Variants in CDH4 observed in about 807,000 individuals in gnomAD.
CDH4 encodes the protein cadherin 4.
A neutral mutation model predicts 86.0 loss-of-function variants in CDH4; 33 were observed. The ratio of observed to expected loss-of-function variants is 0.38; its 90% CI spans 0.29 to 0.51. The LOEUF (loss-of-function observed/expected upper bound fraction) is 0.51, where lower values mean the gene tolerates loss of function less well. CDH4 is among the 20% of genes least tolerant of loss of function. The pLI, the probability that CDH4 is intolerant of heterozygous loss-of-function variation, is 0.86. For missense variants in CDH4, 1,114 were observed against 1,307.4 expected (o/e 0.85, Z 2.28); for synonymous variants, 555 against 549.4 (o/e 1.01, Z -0.14).
chr20:61,819,198 C>A (rs984460915), intron 4 of CDH4, among the ~76,000 whole-genome samples: 1 of 152,218 alleles, frequency 6.6e-6, no homozygotes, highest in African/African-American at 2.4e-5. Flanking sequence ...CAGACAGCCC[C>A]ACGGCCAGGC....
intron 2 of CDH4, among the ~76,000 whole-genome samples, chr20:61,637,914 G>A (rs908063341): frequency 2.6e-5 from 4 of 152,014 alleles, no homozygotes; most frequent in Non-Finnish European, 5.9e-5. Context: ...CCAGCTATTT[G>A]GGAGGCTGAG....
At chr20:61,773,255 G>C in intron 4 of CDH4, 73 bp downstream of exon 4, 1 of 1,399,292 alleles carries the variant, frequency 7.1e-7, no homozygotes, top group Admixed American at 2.5e-5. Context: ...ACATCCCAAA[G>C]CCAGGGGCGG....
intron 2 of CDH4, among the ~76,000 whole-genome samples, chr20:61,478,230 G>T (rs2085550127): frequency 6.6e-6 from 1 of 152,174 alleles, no homozygotes; most frequent in African/African-American, 2.4e-5. Context: ...CGAGAAGGCA[G>T]GAAGAGGAGG....
intron 2 of CDH4, among the ~76,000 whole-genome samples, chr20:61,508,914 C>T (rs565994951): frequency 4.6e-5 from 7 of 152,332 alleles, no homozygotes; most frequent in South Asian, 4.1e-4. Flanking sequence ...ACCCCCTCCC[C>T]ACTCTGCCTC....
chr20:61,778,706 C>T (rs1424621368), intron 4 of CDH4, among the ~76,000 whole-genome samples: 1 of 152,124 alleles, frequency 6.6e-6, no homozygotes, highest in Non-Finnish European at 1.5e-5. Context: ...CCCTTCTTCT[C>T]AAGCAGAGGA....
intron 2 of CDH4, among the ~76,000 whole-genome samples, chr20:61,500,191 G>A (rs1427496428): frequency 6.6e-6 from 1 of 152,190 alleles, no homozygotes; most frequent in Non-Finnish European, 1.5e-5. Context: ...TACTACTGTT[G>A]TGTTTGTCAA....
At chr20:61,734,073 C>T (rs975164155) in intron 2 of CDH4, among the ~76,000 whole-genome samples, 1 of 152,196 alleles carries the variant, frequency 6.6e-6, no homozygotes, top group Non-Finnish European at 1.5e-5. Flanking sequence ...AAAGGGTTAA[C>T]CCGGAAGCCT....
Position 61,902,331 on chromosome 20 carries a change from CACCAGCCACGGAGACCCGGGG to C in CDH4, c.1188+7285_1188+7305del. On this transcript the variant is annotated intron_variant, in intron 8 of 15. Transcript: ENST00000614565. This position sits in a 1 kb window ranked among gnomAD's most constrained non-coding sequence, Gnocchi z 4.6. Reference sequence around the variant, plus strand: ...GGAGAAGCAGCCTCACTCTGCCCTTCACCAGCCACGGAGACCCGGGGTCTATGGGCAGTGCCCTAAATGCCA... The same window carrying C: ...GGAGAAGCAGCCTCACTCTGCCCTTCTCTATGGGCAGTGCCCTAAATGCCA... 6.6e-6 allele frequency among the ~76,000 whole-genome samples: 1 copy of C among 152,380 alleles called. No homozygotes were observed. The highest frequency in any genetic ancestry group is 1.9e-4 in the East Asian group (1 of 5,188).
intron 9 of CDH4, among the ~76,000 whole-genome samples, chr20:61,920,788 A>T: frequency 8.5e-6 from 1 of 117,980 alleles, no homozygotes; most frequent in African/African-American, 3.3e-5. Context: ...GAAGCGTGGT[A>T]TCATGGTGAT....
At chr20:61,558,030 A>G (rs1378258843) in intron 2 of CDH4, among the ~76,000 whole-genome samples, 1 of 152,142 alleles carries the variant, frequency 6.6e-6, no homozygotes. Flanking sequence ...GAGAACAGTT[A>G]TGTTTTCAAG....
intron 2 of CDH4, among the ~76,000 whole-genome samples, chr20:61,643,127 G>A (rs1211495768): frequency 2.0e-5 from 3 of 152,194 alleles, no homozygotes; most frequent in Non-Finnish European, 2.9e-5. Flanking sequence ...TGAAGTCCAA[G>A]ACCAGGCAGA....
intron 2 of CDH4, among the ~76,000 whole-genome samples, chr20:61,554,863 T>C (rs2145678537): frequency 6.8e-6 from 1 of 147,472 alleles, no homozygotes; most frequent in South Asian, 2.2e-4. Flanking sequence ...AGTTCGCATG[T>C]TTGTGTGTCT....
intron 2 of CDH4, among the ~76,000 whole-genome samples, chr20:61,292,842 A>C (rs1233694789): frequency 6.6e-6 from 1 of 152,244 alleles, no homozygotes; most frequent in Admixed American, 6.5e-5. Flanking sequence ...GAGTCCCAGG[A>C]AACTGGCCCC....
intron 2 of CDH4, among the ~76,000 whole-genome samples, chr20:61,618,314 T>C (rs2086742442): frequency 6.6e-6 from 1 of 152,024 alleles, no homozygotes; most frequent in East Asian, 1.9e-4. Context: ...TCCCATCCCA[T>C]CCTGGCTGGG....
At chr20:61,844,859 G>A in intron 5 of CDH4, 36 bp downstream of exon 5, 1 of 1,583,764 alleles carries the variant, frequency 6.3e-7, no homozygotes, top group South Asian at 1.1e-5. Flanking sequence ...TGGGGCCCTG[G>A]GGTGGCGATC....
At chr20:61,931,044 C>T (rs1048896079) in intron 13 of CDH4, among the ~76,000 whole-genome samples, 17 of 152,230 alleles carry the variant, frequency 1.1e-4, no homozygotes, top group Non-Finnish European at 1.8e-4. Flanking sequence ...GCCTGCTGCC[C>T]GGCTTCTGCC....
chr20:61,635,311 G>C (rs1407019327), intron 2 of CDH4, among the ~76,000 whole-genome samples: 1 of 152,180 alleles, frequency 6.6e-6, no homozygotes, highest in African/African-American at 2.4e-5. Context: ...GTGAATGTCT[G>C]TTTTTTTATA....
At chr20:61,697,559 C>T (rs2087727846) in intron 2 of CDH4, among the ~76,000 whole-genome samples, 2 of 152,138 alleles carry the variant, frequency 1.3e-5, no homozygotes, top group Admixed American at 6.5e-5. Context: ...GATCACGCCA[C>T]TGCACTCCAG....
chr20:61,726,108 G>T (rs939267832), intron 2 of CDH4, among the ~76,000 whole-genome samples: 1 of 152,014 alleles, frequency 6.6e-6, no homozygotes, highest in East Asian at 1.9e-4. Flanking sequence ...AGTGGGGAGA[G>T]CATGGCATGG....
Sources: allele counts gnomAD v4.1 joint callset (sites outside exome capture counted in the v4.1 genomes callset), GRCh38; gene constraint gnomAD v4.1.1; non-coding constraint Gnocchi (gnomAD v3.1); transcripts MANE v1.5; gene names NCBI Gene and HGNC (gene_info 2026-07-23, HGNC 2026-07-21).